The following RUVBL2 variants were observed in gnomAD, a reference collection of about 807,000 sequenced individuals.
The protein encoded by RUVBL2 is ruvB-like 2.
A neutral mutation model predicts 57.9 loss-of-function variants in RUVBL2; 9 were observed. The ratio of observed to expected loss-of-function variants is 0.16; its 90% CI spans 0.09 to 0.27. The LOEUF (loss-of-function observed/expected upper bound fraction) is 0.27. Ranked by LOEUF, RUVBL2 falls within the 10% of genes least tolerant of loss-of-function variation. The pLI is 1.00. For missense variants in RUVBL2, 456 were observed against 669.6 expected (o/e 0.68, Z 3.52); for synonymous variants, 278 against 264.6 (o/e 1.05, Z -0.49).
chr19:49,015,157 C>G lies in RUVBL2; in HGVS notation c.1251+7C>G. 2 of 1,604,760 alleles carry G rather than the reference C, an allele frequency of 1.2e-6. No homozygotes were observed. The highest frequency in any genetic ancestry group is 1.7e-6 in the Non-Finnish European group (2 of 1,176,726). On this transcript the variant is annotated splice_region_variant and intron_variant, in intron 13 of 14. Transcript: ENST00000595090. ...GGTGTGCCGGAAACGCAAGGTCAGCCGGCCGAATTAGCCAGCAGGGCCAGA... is the reference window on the plus strand; with the variant it reads ...GGTGTGCCGGAAACGCAAGGTCAGCGGGCCGAATTAGCCAGCAGGGCCAGA...
In RUVBL2 at chr19:49,009,991, C is replaced by T. The variant is rs1568639696; in HGVS notation, c.588C>T (p.Asp196=). 6.3e-7 allele frequency: 1 copy of T among 1,592,354 alleles called. No homozygotes were observed. Among genetic ancestry groups the T allele is most frequent in the Non-Finnish European group, 8.6e-7 (1 of 1,166,856 alleles). Residue 196 remains aspartate (D), a synonymous_variant, in exon 8 of 15, where the codon GAC becomes GAT. Coordinates refer to ENST00000595090, the MANE Select transcript of RUVBL2 (RefSeq NM_006666.3). ...KVQAGDVITI[D]KATGKISKLG... ...CCTGTAGGGACGTGATCACCATCGA[C>T]AAGGCGACGGGCAAGATCTCCAAGC... is the stretch of plus-strand genomic sequence containing the variant.
intron 1 of RUVBL2, among the ~76,000 whole-genome samples, chr19:48,996,456 G>A (rs181388262): frequency 2.8e-4 from 42 of 150,414 alleles, no homozygotes; most frequent in Non-Finnish European, 5.6e-4. Context: ...CTCCTGAGTA[G>A]CTGGGACTAC....
At chr19:48,998,623 C>T (rs572773556) in intron 1 of RUVBL2, among the ~76,000 whole-genome samples, 105 of 148,696 alleles carry the variant, frequency 7.1e-4, no homozygotes, top group African/African-American at 2.5e-3. Context: ...GCGGGAGAAT[C>T]GGTTAAACCC....
rs1172811403 is a variant in RUVBL2 at position 49,011,111 on chromosome 19, G to A, written c.882+18G>A. ...TCCCTGGAGTGAGGACCCAGGACAT[G>A]GCCGGGGCGGGTGGTGGGGTGGAGG... On this transcript the variant is annotated intron_variant, in intron 10 of 14. Transcript: ENST00000595090. The surrounding 1 kb of genome is among the most constrained non-coding windows in gnomAD (Gnocchi z 4.4). 6.2e-7 allele frequency: 1 copy of A among 1,610,066 alleles called. No individual in the cohort carries two copies. Among genetic ancestry groups the A allele is most frequent in the East Asian group, 2.2e-5 (1 of 44,718 alleles).
intron 2 of RUVBL2, among the ~76,000 whole-genome samples, chr19:49,001,917 A>G (rs2039191444): frequency 6.6e-6 from 1 of 152,008 alleles, no homozygotes; most frequent in Non-Finnish European, 1.5e-5. Context: ...GACCCTAGCA[A>G]ATCTTTCTTA....
chr19:49,009,375 T>A (rs2039357081), intron 6 of RUVBL2, among the ~76,000 whole-genome samples: 1 of 150,868 alleles, frequency 6.6e-6, no homozygotes, highest in African/African-American at 2.4e-5. Flanking sequence ...TAGTCCCAGC[T>A]ACTCGGGAGG....
intron 4 of RUVBL2, among the ~76,000 whole-genome samples, chr19:49,004,949 A>G (rs1211438749): frequency 6.6e-6 from 1 of 151,590 alleles, no homozygotes; most frequent in Non-Finnish European, 1.5e-5. Context: ...GTTGGGCAAA[A>G]GGTTGTTGTA....
chr19:49,005,386 G>A (rs957762912), intron 4 of RUVBL2, among the ~76,000 whole-genome samples: 3 of 152,146 alleles, frequency 2.0e-5, no homozygotes, highest in African/African-American at 7.2e-5. Flanking sequence ...TCATGGACAC[G>A]ATCCCTTCCA....
chr19:48,999,477 A>ACACC, intron 2 of RUVBL2, 104 bp downstream of exon 2: 1 of 1,162,784 alleles, frequency 8.6e-7, no homozygotes, highest in Non-Finnish European at 1.3e-6. Context: ...GGTGGCCTGC[A>ACACC]CACCAACTGT....
chr19:49,012,176 C>G (rs1457956328), intron 11 of RUVBL2, among the ~76,000 whole-genome samples: 2 of 152,144 alleles, frequency 1.3e-5, no homozygotes, highest in African/African-American at 2.4e-5. Context: ...AGCCCTGCAG[C>G]CTTGGGCCCA....
At chr19:48,996,854 G>C (rs569378269) in intron 1 of RUVBL2, among the ~76,000 whole-genome samples, 2 of 152,024 alleles carry the variant, frequency 1.3e-5, no homozygotes, top group South Asian at 4.2e-4. Flanking sequence ...GTAGAGACAG[G>C]GTTTCACCAT....
At chr19:49,000,152 T>A (rs1381083427) in intron 2 of RUVBL2, among the ~76,000 whole-genome samples, 1 of 152,242 alleles carries the variant, frequency 6.6e-6, no homozygotes, top group Non-Finnish European at 1.5e-5. Context: ...AGTTTCCTTA[T>A]CTGCAAGACG....
intron 4 of RUVBL2, 25 bp downstream of exon 4, chr19:49,004,443 C>A: frequency 1.3e-6 from 2 of 1,599,510 alleles, no homozygotes; most frequent in South Asian, 1.1e-5. Context: ...AGGGCAGGAA[C>A]TCTCCTGTTT....
At chr19:49,013,561 C>T (rs553007282) in intron 11 of RUVBL2, among the ~76,000 whole-genome samples, 5 of 152,080 alleles carry the variant, frequency 3.3e-5, no homozygotes, top group South Asian at 2.1e-4. Flanking sequence ...GCTGTTGACA[C>T]GAGCTCCATG....
chr19:49,003,337 A>G lies in RUVBL2; in HGVS notation c.123+3A>G, dbSNP rs2039219839. 2 of 1,613,728 alleles carry G rather than the reference A, an allele frequency of 1.2e-6. No homozygotes were observed. Among genetic ancestry groups the G allele is most frequent in the African/African-American group, 2.7e-5 (2 of 75,014 alleles). On this transcript the variant is annotated splice_donor_region_variant and intron_variant, in intron 3 of 14. Transcript: ENST00000595090. ...ACGATGCCTTGGAGCCTCGGCAGGTAGAGCAGAGGAGGCTGGGGTGTGAGG... is the reference window on the plus strand; with the variant it reads ...ACGATGCCTTGGAGCCTCGGCAGGTGGAGCAGAGGAGGCTGGGGTGTGAGG...
rs374851589 is a variant in RUVBL2 at position 49,011,317 on chromosome 19, C to T, written c.1001+7C>T. 73 of 1,609,794 alleles carry T rather than the reference C, an allele frequency of 4.5e-5. No individual in the cohort carries two copies. In the South Asian group the frequency reaches 5.2e-4, roughly 11 times the overall value. ...CCAACCGTGGCATCACGCGGTGAGC[C>T]GGCTACAGGGGCCTCTGGGGAAAAC... On this transcript the variant is annotated splice_region_variant and intron_variant, in intron 11 of 14. Coordinates refer to ENST00000595090, the MANE Select transcript of RUVBL2 (RefSeq NM_006666.3). The surrounding 1 kb of genome is among the most constrained non-coding windows in gnomAD (Gnocchi z 4.4).
At chr19:49,010,129 C>T (rs1273135098) in intron 8 of RUVBL2, 63 bp downstream of exon 8, 1 of 1,431,346 alleles carries the variant, frequency 7.0e-7, no homozygotes, top group South Asian at 1.2e-5. Flanking sequence ...TCTCCTCCAT[C>T]ACCCCCTTGA....
At position 49,015,632 on chromosome 19, in the gene RUVBL2, C is replaced by T. The variant is rs754628716; in HGVS notation, c.1312C>T (p.Arg438Cys). 4.3e-6 allele frequency: 7 copies of T among 1,613,972 alleles called. No homozygotes were observed. The highest frequency in any genetic ancestry group is 4.2e-6 in the Non-Finnish European group (5 of 1,180,008). ...CTACTCACTCTTCCTGGACGAGTCC[C>T]GCTCCACGCAGTACATGAAGGAGTA... Reference protein sequence around the residue: ...RVYSLFLDESRSTQYMKEYQD... With the variant: ...RVYSLFLDESCSTQYMKEYQD... Residue 438 changes from arginine (R) to cysteine (C), a missense_variant, in exon 14 of 15, where the codon CGC (arginine) becomes TGC (cysteine). Physicochemically the swap from Arg to Cys is radical, Grantham distance 180 (BLOSUM62 -3). Around this residue, in one of 5 missense-constraint regions of RUVBL2, gnomAD observed 67 missense variants for 71.5 expected, o/e 0.94. Coordinates refer to ENST00000595090, the MANE Select transcript of RUVBL2 (RefSeq NM_006666.3).
intron 2 of RUVBL2, chr19:49,001,479 T>C (rs1198879746): frequency 8.0e-6 from 1 of 124,864 alleles, no homozygotes; most frequent in Non-Finnish European, 1.7e-5. Flanking sequence ...AATAAAAAAT[T>C]AAAAAAAAAA....
Sources: gnomAD v4.1 joint callset for allele counts (sites outside exome capture counted in the v4.1 genomes callset) on GRCh38, gnomAD v4.1.1 for gene constraint, gnomAD v4.1.1 regional missense constraint, Gnocchi (gnomAD v3.1) non-coding constraint, MANE v1.5 for transcripts, NCBI Gene and HGNC (gene_info 2026-07-23, HGNC 2026-07-21) for gene names.